Variants in LRRC36 observed in about 807,000 individuals in gnomAD.
The protein encoded by LRRC36 is leucine rich repeat containing 36.
A neutral mutation model predicts 81.1 loss-of-function variants in LRRC36; 62 were observed. The observed-to-expected ratio is 0.76, with a 90% CI of 0.62 to 0.94. The LOEUF (loss-of-function observed/expected upper bound fraction) is 0.94. Among genes scored for constraint, LRRC36 ranks in the 40% least tolerant of loss-of-function variants. The pLI is 0.00. For synonymous variants in LRRC36, 334 were observed against 348.6 expected (o/e 0.96, Z 0.47); for missense variants, 761 against 881.7 (o/e 0.86, Z 1.73).
intron 9 of LRRC36, chr16:67,371,488 G>A (rs766098684): frequency 3.0e-5 from 16 of 528,680 alleles, no homozygotes; most frequent in Non-Finnish European, 4.5e-5. Context: ...ATCTACTTCC[G>A]GCTGAAGATT....
rs1238824472 is a variant in LRRC36 at position 67,375,283 on chromosome 16, G to C, written c.1531G>C (p.Ala511Pro). 6.2e-7 allele frequency: 1 copy of C among 1,612,540 alleles called. No homozygotes were observed. The highest frequency in any genetic ancestry group is 2.2e-5 in the East Asian group (1 of 44,876). ...TGACCTGGGTAGTTTGCACGGTTTG[G>C]CTGGAAACCACAGTCCCCCCATCTC... ...SSDLGSLHGL[A>P]GNHSPPISAR... Residue 511 changes from alanine to proline, a missense_variant, in exon 10 of 14, where the codon GCT becomes CCT. By Grantham distance (27) the Ala-to-Pro change is conservative. Coordinates refer to ENST00000329956, the MANE Select transcript of LRRC36 (RefSeq NM_018296.6).
At position 67,338,865 on chromosome 16, in the gene LRRC36, A is replaced by ATTTTTTTT. The variant is rs71145967; in HGVS notation, c.71-3053_71-3046dup. On this transcript the variant is annotated intron_variant, in intron 1 of 13. Transcript: ENST00000329956. ...TTTCTAATTTCTGCTTGGAAGCTGA[A>ATTTTTTTT]TTTTTTTTTTTTTTTTTTTTTTTTT... 4.4e-5 allele frequency among the ~76,000 whole-genome samples: 2 copies of ATTTTTTTT among 45,404 alleles called. 1 individual carries two copies. Among genetic ancestry groups the ATTTTTTTT allele is most frequent in the African/African-American group, 1.6e-4 (2 of 12,336 alleles). The allele number at this position is 45,404 out of a possible 152,430, so 29.8% of individuals were successfully genotyped here. A position where few individuals can be genotyped will look rare whatever the true frequency, so the allele number is the denominator to read the frequency against.
chr16:67,363,852 C>A, intron 6 of LRRC36, 138 bp downstream of exon 6: 1 of 850,042 alleles, frequency 1.2e-6, no homozygotes, highest in Non-Finnish European at 1.8e-6. Context: ...AAGGAAAGGG[C>A]AGGACAGAAT....
intron 9 of LRRC36, among the ~76,000 whole-genome samples, chr16:67,374,160 C>T (rs2039784280): frequency 6.6e-6 from 1 of 151,932 alleles, no homozygotes; most frequent in African/African-American, 2.4e-5. Context: ...CACACCATTG[C>T]ACTCCAGCCT....
chr16:67,351,039 AAAAAAATAAATAAAT>A (rs1447085425), intron 5 of LRRC36, among the ~76,000 whole-genome samples: 2 of 152,198 alleles, frequency 1.3e-5, no homozygotes, highest in Non-Finnish European at 2.9e-5. Flanking sequence ...ACTCCATCTT[AAAAAAATAAATAAAT>A]AAAAAATAAA....
intron 5 of LRRC36, among the ~76,000 whole-genome samples, chr16:67,356,576 A>G (rs1371293942): frequency 6.6e-6 from 1 of 152,216 alleles, no homozygotes; most frequent in Non-Finnish European, 1.5e-5. Context: ...TGTTGGGGGT[A>G]GGCAGACAAG....
intron 1 of LRRC36, among the ~76,000 whole-genome samples, chr16:67,334,983 A>G (rs1458907249): frequency 6.6e-6 from 1 of 152,210 alleles, no homozygotes; most frequent in Non-Finnish European, 1.5e-5. Flanking sequence ...TCACAAGGTA[A>G]TAAGATATCA....
At chr16:67,362,407 C>A (rs973884889) in intron 5 of LRRC36, 1 of 258,992 alleles carries the variant, frequency 3.9e-6, no homozygotes, top group Non-Finnish European at 7.8e-6. Flanking sequence ...ATCATCCGCC[C>A]GCCTCAGCCT....
intron 12 of LRRC36, 61 bp from the exon 13 acceptor site, chr16:67,382,072 T>C (rs2040131052): frequency 8.7e-6 from 10 of 1,152,660 alleles, no homozygotes; most frequent in Non-Finnish European, 1.3e-5. Context: ...AATACTTATA[T>C]TCTGCTCAAA....
At chr16:67,383,834 C>T (rs2040198134) in intron 13 of LRRC36, among the ~76,000 whole-genome samples, 1 of 152,196 alleles carries the variant, frequency 6.6e-6, no homozygotes, top group Admixed American at 6.5e-5. Flanking sequence ...CTTTCCTTCC[C>T]TCCCACCATC....
chr16:67,355,440 T>A (rs1447746715), intron 5 of LRRC36, among the ~76,000 whole-genome samples: 1 of 138,368 alleles, frequency 7.2e-6, no homozygotes, highest in Admixed American at 8.0e-5. Flanking sequence ...AGTGGCGGGA[T>A]CTCGGCTCAC....
intron 1 of LRRC36, among the ~76,000 whole-genome samples, chr16:67,341,274 CCTAT>C (rs1334880581): frequency 2.3e-5 from 3 of 132,428 alleles, no homozygotes; most frequent in African/African-American, 9.1e-5. Flanking sequence ...TATACTATAG[CCTAT>C]CTATAGTCTA....
At chr16:67,358,366 C>A (rs995984295) in intron 5 of LRRC36, among the ~76,000 whole-genome samples, 73 of 151,862 alleles carry the variant, frequency 4.8e-4, no homozygotes, top group African/African-American at 1.5e-3. Flanking sequence ...TTTTAAAAAC[C>A]GGAATGTAGT....
chr16:67,361,055 G>A (rs2039121615), intron 5 of LRRC36, among the ~76,000 whole-genome samples: 1 of 152,100 alleles, frequency 6.6e-6, no homozygotes, highest in South Asian at 2.1e-4. Flanking sequence ...TCTCTTTCTT[G>A]TCATTCTTGT....
chr16:67,345,516 AG>A (rs1472769803), intron 2 of LRRC36, among the ~76,000 whole-genome samples: 1 of 152,048 alleles, frequency 6.6e-6, no homozygotes, highest in African/African-American at 2.4e-5. Flanking sequence ...AGTTAGGTAG[AG>A]GGTGGGGTTG....
chr16:67,343,334 G>A (rs2038181598), intron 2 of LRRC36, among the ~76,000 whole-genome samples: 2 of 152,082 alleles, frequency 1.3e-5, no homozygotes, highest in Admixed American at 1.3e-4. Context: ...GCTGAGGCAG[G>A]CAGATTGCTT....
intron 1 of LRRC36, among the ~76,000 whole-genome samples, chr16:67,340,434 C>T (rs2037977031): frequency 6.6e-6 from 1 of 151,990 alleles, no homozygotes; most frequent in Admixed American, 6.6e-5. Context: ...GAGGCTGAGA[C>T]TGGTGGATCA....
Position 67,382,247 on chromosome 16 carries a change from G to A in LRRC36, c.2045G>A (p.Arg682Lys). ...KTVAILHESQ[R>K]SLVVTNEYLL... Reference sequence around the variant, plus strand: ...GTTGCCATTCTCCATGAAAGTCAGAGGTAGGAGAGGGTCTATCTAGCTTGC... The same window carrying A: ...GTTGCCATTCTCCATGAAAGTCAGAAGTAGGAGAGGGTCTATCTAGCTTGC... Residue 682 changes from arginine (R) to lysine (K), a missense_variant and splice_region_variant, in exon 13 of 14, where the codon AGA (arginine) becomes AAA (lysine). Transcript: ENST00000329956. The A allele has an allele frequency of 6.2e-7, 1 of 1,604,026 alleles. No homozygotes were observed. The highest frequency in any genetic ancestry group is 8.5e-7 in the Non-Finnish European group (1 of 1,171,042).
intron 5 of LRRC36, among the ~76,000 whole-genome samples, chr16:67,353,182 A>G (rs1050262117): frequency 6.6e-6 from 1 of 151,946 alleles, no homozygotes; most frequent in Non-Finnish European, 1.5e-5. Flanking sequence ...CAAAACAAAC[A>G]AACAAATAAG....
Sources: gnomAD v4.1 joint callset for allele counts (sites outside exome capture counted in the v4.1 genomes callset) on GRCh38, gnomAD v4.1.1 for gene constraint, MANE v1.5 for transcripts, NCBI Gene and HGNC (gene_info 2026-07-23, HGNC 2026-07-21) for gene names.